The following AUTS2 variants were observed in gnomAD, a reference collection of about 807,000 sequenced individuals.
AUTS2 encodes autism susceptibility gene 2 protein.
A neutral mutation model predicts 112.4 loss-of-function variants in AUTS2; 17 were observed. That is an observed-to-expected ratio of 0.15 (90% CI 0.10 to 0.23). The LOEUF (loss-of-function observed/expected upper bound fraction) is 0.23, where lower values mean the gene tolerates loss of function less well. AUTS2 is among the 10% of genes least tolerant of loss of function. AUTS2 has a pLI of 1.00. For missense variants in AUTS2, 1,510 were observed against 1,701.6 expected, an observed-to-expected ratio of 0.89 and a Z score of 1.98; for synonymous variants, 751 against 702.7, an observed-to-expected ratio of 1.07 and a Z score of -1.09.
At chr7:70,085,668 A>G (rs545064449) in intron 2 of AUTS2, among the ~76,000 whole-genome samples, 1 of 152,096 alleles carries the variant, frequency 6.6e-6, no homozygotes, top group South Asian at 2.1e-4. Context: ...TGCCTAGCCT[A>G]TTTTTACATA....
intron 5 of AUTS2, among the ~76,000 whole-genome samples, chr7:70,519,732 T>G (rs1376452194): frequency 6.6e-6 from 1 of 152,200 alleles, no homozygotes; most frequent in Non-Finnish European, 1.5e-5. Flanking sequence ...ATAGAGCAGT[T>G]GTGACTTGCC....
chr7:69,941,899 T>C lies in AUTS2; in HGVS notation c.522+42401T>C, dbSNP rs531716966. On this transcript the variant is annotated intron_variant, in intron 2 of 18. Transcript: ENST00000342771. ...CTGACTCAGGGTTATTATTTTTGGT[T>C]GCTTATTTTATTTTTAATTGTTGAA... 2.0e-5 allele frequency among the ~76,000 whole-genome samples: 3 copies of C among 152,280 alleles called. No individual in the cohort carries two copies. In the South Asian group the frequency reaches 6.2e-4, roughly 32 times the overall value.
chr7:69,782,335 G>A (rs1356044411), intron 1 of AUTS2, among the ~76,000 whole-genome samples: 1 of 151,686 alleles, frequency 6.6e-6, no homozygotes, highest in Non-Finnish European at 1.5e-5. Flanking sequence ...TGCAGGTGGG[G>A]TGACAGAGTG....
At chr7:70,163,357 GGCAGA>G (rs1808212651) in intron 4 of AUTS2, among the ~76,000 whole-genome samples, 2 of 67,578 alleles carry the variant, frequency 3.0e-5, no homozygotes, top group Non-Finnish European at 6.9e-5. Flanking sequence ...GGGGGGGGGG[GGCAGA>G]GGGGGAGGGA....
At chr7:69,632,841 T>C (rs1249370855) in intron 1 of AUTS2, among the ~76,000 whole-genome samples, 1 of 152,122 alleles carries the variant, frequency 6.6e-6, no homozygotes, top group African/African-American at 2.4e-5. Flanking sequence ...TTATTAGTTA[T>C]TGCTTTTATT....
chr7:70,725,540 T>A (rs1476014254), intron 6 of AUTS2, among the ~76,000 whole-genome samples: 1 of 152,226 alleles, frequency 6.6e-6, no homozygotes, highest in African/African-American at 2.4e-5. Context: ...GCCTAAGGAT[T>A]TTCCATTTAA....
chr7:70,016,276 G>T (rs993434772), intron 2 of AUTS2, among the ~76,000 whole-genome samples: 2 of 152,076 alleles, frequency 1.3e-5, no homozygotes, highest in Non-Finnish European at 2.9e-5. Context: ...TTGACAGACC[G>T]CAATATTCCA....
chr7:70,514,455 G>A (rs1193823442), intron 5 of AUTS2, among the ~76,000 whole-genome samples: 1 of 152,248 alleles, frequency 6.6e-6, no homozygotes, highest in Non-Finnish European at 1.5e-5. Context: ...CAAAGAGGGA[G>A]CCAATGTATC....
intron 1 of AUTS2, among the ~76,000 whole-genome samples, chr7:69,726,363 A>T (rs1425376107): frequency 1.3e-5 from 2 of 152,152 alleles, no homozygotes; most frequent in East Asian, 3.8e-4. Flanking sequence ...CTATATTGTT[A>T]CATGTCAGTT....
chr7:70,295,827 T>G (rs961475900), intron 4 of AUTS2, among the ~76,000 whole-genome samples: 2 of 152,160 alleles, frequency 1.3e-5, no homozygotes, highest in African/African-American at 4.8e-5. Flanking sequence ...TCAAGTTTCA[T>G]TTGTGTGACC....
chr7:70,759,293 A>T (rs1197949795), intron 6 of AUTS2, among the ~76,000 whole-genome samples: 1 of 152,186 alleles, frequency 6.6e-6, no homozygotes, highest in Non-Finnish European at 1.5e-5. Context: ...CCAGCAAGCA[A>T]GTTCCTTCAC....
At chr7:69,945,075 T>C (rs1796758005) in intron 2 of AUTS2, among the ~76,000 whole-genome samples, 1 of 151,492 alleles carries the variant, frequency 6.6e-6, no homozygotes, top group African/African-American at 2.4e-5. Context: ...AAGGTAATGA[T>C]ACCTGTTTCA....
At chr7:70,560,667 T>C (rs891540776) in intron 5 of AUTS2, among the ~76,000 whole-genome samples, 5 of 152,264 alleles carry the variant, frequency 3.3e-5, no homozygotes, top group African/African-American at 1.2e-4. Context: ...AAATCCAGGA[T>C]AGATTATTAT....
chr7:69,782,559 T>C (rs958232731), intron 1 of AUTS2, among the ~76,000 whole-genome samples: 1 of 151,988 alleles, frequency 6.6e-6, no homozygotes, highest in African/African-American at 2.4e-5. Context: ...CCCAGAGACC[T>C]TTTTCCCAGC....
chr7:70,461,202 A>G (rs1451493354), intron 5 of AUTS2, among the ~76,000 whole-genome samples: 1 of 144,192 alleles, frequency 6.9e-6, no homozygotes, highest in Non-Finnish European at 1.5e-5. Flanking sequence ...TTAAGGGCAG[A>G]AAAAAGGAAC....
At chr7:69,708,754 A>C (rs1798176195) in intron 1 of AUTS2, among the ~76,000 whole-genome samples, 1 of 152,140 alleles carries the variant, frequency 6.6e-6, no homozygotes, top group Non-Finnish European at 1.5e-5. Flanking sequence ...TGTTTTTGTG[A>C]CTTTTCTGAT....
At chr7:70,786,096 A>T in intron 17 of AUTS2, 58 bp downstream of exon 17, 6 of 1,449,562 alleles carry the variant, frequency 4.1e-6, no homozygotes, top group Non-Finnish European at 5.8e-6. Flanking sequence ...TGTGATCCGC[A>T]TATGGCTCAA....
At position 70,158,942 on chromosome 7, in the gene AUTS2, A is replaced by G. The variant is rs185233872; in HGVS notation, c.660+24371A>G. Among the ~76,000 whole-genome samples, 5 of 152,296 alleles carry G rather than the reference A, an allele frequency of 3.3e-5. No individual in the cohort carries two copies. In the East Asian group the frequency reaches 9.6e-4, roughly 29 times the overall value. Reference sequence around the variant, plus strand: ...GAGTATATCATTATCTGCTGTCATTATTATTAGTGAAGGCATGTTACATAT... The same window carrying G: ...GAGTATATCATTATCTGCTGTCATTGTTATTAGTGAAGGCATGTTACATAT... On this transcript the variant is annotated intron_variant, in intron 4 of 18. Transcript: ENST00000342771.
intron 2 of AUTS2, among the ~76,000 whole-genome samples, chr7:70,081,656 T>C (rs1803323428): frequency 6.6e-6 from 1 of 152,172 alleles, no homozygotes. Context: ...TATATTTTTG[T>C]GTGAGATTTT....
Sources: gnomAD v4.1 joint callset for allele counts (sites outside exome capture counted in the v4.1 genomes callset) on GRCh38, gnomAD v4.1.1 for gene constraint, MANE v1.5 for transcripts, NCBI Gene and HGNC (gene_info 2026-07-23, HGNC 2026-07-21) for gene names.